The following RORA variants were observed in gnomAD, a reference collection of about 807,000 sequenced individuals.
RORA encodes nuclear receptor ROR-alpha.
A neutral mutation model predicts 69.5 loss-of-function variants in RORA; 7 were observed. The observed-to-expected ratio is 0.10, with a 90% CI of 0.06 to 0.19. The LOEUF (loss-of-function observed/expected upper bound fraction) is 0.19, where lower values mean the gene tolerates loss of function less well. Ranked by LOEUF, RORA falls within the 10% of genes least tolerant of loss-of-function variation. The pLI, the probability that RORA is intolerant of heterozygous loss-of-function variation, is 1.00. For synonymous variants in RORA, 261 were observed against 240.8 expected (o/e 1.08, Z -0.78); for missense variants, 457 against 663.0 (o/e 0.69, Z 3.41).
chr15:60,792,633 G>A (rs983556530), intron 1 of RORA, among the ~76,000 whole-genome samples: 15 of 152,120 alleles, frequency 9.9e-5, no homozygotes, highest in East Asian at 1.9e-4. Flanking sequence ...AGAAGACAAC[G>A]GAATAACATC....
chr15:61,084,153 T>C (rs1244016184), intron 1 of RORA, among the ~76,000 whole-genome samples: 2 of 152,216 alleles, frequency 1.3e-5, no homozygotes, highest in Non-Finnish European at 2.9e-5. Context: ...CTAACTCGAA[T>C]TTTCTGTCAA....
At chr15:60,926,611 C>A (rs934604012) in intron 1 of RORA, among the ~76,000 whole-genome samples, 25 of 152,236 alleles carry the variant, frequency 1.6e-4, no homozygotes, top group African/African-American at 6.0e-4. Flanking sequence ...AGCTTCATTT[C>A]TAGGAGATCA....
At chr15:60,747,090 A>T (rs1047527841) in intron 1 of RORA, among the ~76,000 whole-genome samples, 1 of 152,206 alleles carries the variant, frequency 6.6e-6, no homozygotes, top group African/African-American at 2.4e-5. Context: ...AAAGCTTGGC[A>T]GCACCCCAGG....
chr15:60,945,973 G>T (rs912039922), intron 1 of RORA, among the ~76,000 whole-genome samples: 1 of 152,154 alleles, frequency 6.6e-6, no homozygotes, highest in African/African-American at 2.4e-5. Context: ...AATGTACCAG[G>T]TTCCCCACCC....
rs553576448 is a variant in RORA at position 60,727,400 on chromosome 15, G to T, written c.167-48714C>A. Reference sequence around the variant, plus strand: ...TACCTACACTCCTAGGGCACACATTGCTGTAATAGTTCTTAACGTTTCCAG... The same window carrying T: ...TACCTACACTCCTAGGGCACACATTTCTGTAATAGTTCTTAACGTTTCCAG... On this transcript the variant is annotated intron_variant, in intron 1 of 10. Coordinates refer to ENST00000335670, the MANE Select transcript of RORA (RefSeq NM_134261.3). 4.6e-5 allele frequency among the ~76,000 whole-genome samples: 7 copies of T among 152,232 alleles called. No homozygotes were observed. In the South Asian group the frequency reaches 1.5e-3, roughly 32 times the overall value.
chr15:60,615,613 G>C (rs951939056), intron 2 of RORA, among the ~76,000 whole-genome samples: 1 of 152,202 alleles, frequency 6.6e-6, no homozygotes, highest in Non-Finnish European at 1.5e-5. Context: ...GTGAGCTCAC[G>C]ATAGCCCAGG....
intron 1 of RORA, among the ~76,000 whole-genome samples, chr15:60,781,955 G>A (rs527549040): frequency 6.6e-6 from 1 of 152,332 alleles, no homozygotes; most frequent in Non-Finnish European, 1.5e-5. Flanking sequence ...GGCCGGGTAC[G>A]GCGGTTCACG....
At chr15:60,551,280 T>C (rs1161217474) in intron 2 of RORA, among the ~76,000 whole-genome samples, 2 of 151,998 alleles carry the variant, frequency 1.3e-5, no homozygotes, top group East Asian at 3.9e-4. Context: ...AAAATAGCTT[T>C]ACCACTCTGA....
At position 61,040,164 on chromosome 15, in the gene RORA, A is replaced by AT. The variant is rs61081825; in HGVS notation, c.166+188888_166+188889insA. ...TATATATATATATATATATATATAT[A>AT]AAATATATGAAATATACATTATAGT... On this transcript the variant is annotated intron_variant, in intron 1 of 10. Transcript: ENST00000335670. Among the ~76,000 whole-genome samples, 132 of 117,612 alleles carry AT rather than the reference A, an allele frequency of 1.1e-3. 1 individual carries two copies. Among genetic ancestry groups the AT allele is most frequent in the Non-Finnish European group, 1.8e-3 (103 of 56,240 alleles). The allele number at this position is 117,612 out of a possible 152,430, so 77.2% of individuals were successfully genotyped here.
chr15:60,575,958 G>T (rs904183978), intron 2 of RORA, among the ~76,000 whole-genome samples: 1 of 152,180 alleles, frequency 6.6e-6, no homozygotes, highest in Non-Finnish European at 1.5e-5. Flanking sequence ...AACGGCCAGG[G>T]TTTCCTCAGC....
At position 60,773,451 on chromosome 15, in the gene RORA, G is replaced by A. The variant is rs144024209; in HGVS notation, c.167-94765C>T. Among the ~76,000 whole-genome samples, 675 of 151,880 alleles carry A rather than the reference G, an allele frequency of 4.4e-3. 5 individuals carry two copies. Among genetic ancestry groups the A allele is most frequent in the East Asian group, 0.021 (109 of 5,174 alleles). On this transcript the variant is annotated intron_variant, in intron 1 of 10. Transcript: ENST00000335670. Reference sequence around the variant, plus strand: ...CCCGAGAATGGGAATAATTTCTTACGCAATCACAGCTGAGTTATGAACTTC... The same window carrying A: ...CCCGAGAATGGGAATAATTTCTTACACAATCACAGCTGAGTTATGAACTTC...
chr15:61,165,918 C>A (rs1051876161), intron 1 of RORA, among the ~76,000 whole-genome samples: 1 of 152,180 alleles, frequency 6.6e-6, no homozygotes, highest in Admixed American at 6.5e-5. Flanking sequence ...CTTACAGATA[C>A]AAAATGTGAA....
intron 2 of RORA, among the ~76,000 whole-genome samples, chr15:60,617,653 T>TACAG (rs1214591184): frequency 1.3e-4 from 13 of 97,214 alleles, no homozygotes; most frequent in Admixed American, 3.4e-4. Context: ...CATACACACA[T>TACAG]ACAGACAGAG....
intron 1 of RORA, among the ~76,000 whole-genome samples, chr15:60,963,543 TG>T (rs1345559374): frequency 6.6e-6 from 1 of 152,238 alleles, no homozygotes; most frequent in Admixed American, 6.5e-5. Flanking sequence ...TGTGGCCCCT[TG>T]GCCTCCTGGA....
At chr15:60,944,863 T>C (rs1248074341) in intron 1 of RORA, among the ~76,000 whole-genome samples, 2 of 152,158 alleles carry the variant, frequency 1.3e-5, no homozygotes, top group Admixed American at 6.5e-5. Context: ...GTGGTTGAGA[T>C]GCTGCATGCC....
chr15:60,538,230 G>A (rs2066741337), intron 2 of RORA, among the ~76,000 whole-genome samples: 2 of 152,116 alleles, frequency 1.3e-5, no homozygotes, highest in Admixed American at 1.3e-4. Flanking sequence ...AGAAAGCACT[G>A]GGAGTCAATT....
chr15:60,583,074 T>C (rs972504267), intron 2 of RORA, among the ~76,000 whole-genome samples: 3 of 152,118 alleles, frequency 2.0e-5, no homozygotes, highest in African/African-American at 7.2e-5. Context: ...GCCACAATAA[T>C]GAGATAGATA....
chr15:61,087,887 T>C (rs188757990), intron 1 of RORA, among the ~76,000 whole-genome samples: 10 of 152,374 alleles, frequency 6.6e-5, no homozygotes, highest in Admixed American at 6.5e-4. Flanking sequence ...TTTTGGAGAT[T>C]GTCACAGTGC....
intron 1 of RORA, among the ~76,000 whole-genome samples, chr15:61,187,892 A>C (rs1486192746): frequency 6.6e-6 from 1 of 152,062 alleles, no homozygotes; most frequent in Admixed American, 6.5e-5. Flanking sequence ...TTCTTTCTGC[A>C]CCAGAAATTC....
Sources: gnomAD v4.1 joint callset for allele counts (sites outside exome capture counted in the v4.1 genomes callset) on GRCh38, gnomAD v4.1.1 for gene constraint, MANE v1.5 for transcripts, NCBI Gene and HGNC (gene_info 2026-07-23, HGNC 2026-07-21) for gene names.